Variants in EIF4B observed in about 807,000 individuals in gnomAD.
EIF4B encodes eukaryotic translation initiation factor 4B.
A neutral mutation model predicts 79.3 loss-of-function variants in EIF4B; 8 were observed. The observed-to-expected ratio is 0.10, with a 90% CI of 0.06 to 0.18. EIF4B has a LOEUF of 0.18. Among genes scored for constraint, EIF4B ranks in the 10% least tolerant of loss-of-function variants. The pLI is 1.00. For synonymous variants in EIF4B, 238 were observed against 274.7 expected (o/e 0.87, Z 1.32); for missense variants, 515 against 792.4 (o/e 0.65, Z 4.20).
intron 9 of EIF4B, 110 bp from the exon 10 acceptor site, chr12:53,034,502 C>A: frequency 1.1e-6 from 1 of 938,408 alleles, no homozygotes; most frequent in Non-Finnish European, 1.7e-6. Context: ...AATTTATATG[C>A]ATATACACAT....
At chr12:53,029,890 C>A (rs1208260067) in intron 8 of EIF4B, among the ~76,000 whole-genome samples, 1 of 149,824 alleles carries the variant, frequency 6.7e-6, no homozygotes, top group African/African-American at 2.4e-5. Flanking sequence ...TTACTCCTTC[C>A]TCAAAATAAT....
At chr12:53,027,229 G>A (rs934309465) in intron 6 of EIF4B, among the ~76,000 whole-genome samples, 61 of 147,094 alleles carry the variant, frequency 4.1e-4, no homozygotes, top group African/African-American at 1.5e-3. Flanking sequence ...CGCCTCCCGG[G>A]TTCACACCAT....
intron 1 of EIF4B, among the ~76,000 whole-genome samples, chr12:53,009,156 G>A (rs1475913181): frequency 2.6e-5 from 4 of 152,204 alleles, no homozygotes. Flanking sequence ...TATCTGGAAA[G>A]TGGTCATTAT....
At chr12:53,035,037 C>T (rs951468120) in intron 10 of EIF4B, among the ~76,000 whole-genome samples, 3 of 144,330 alleles carry the variant, frequency 2.1e-5, no homozygotes, top group African/African-American at 5.1e-5. Flanking sequence ...GAACAGTCAA[C>T]GGCTTGGAGT....
At chr12:53,022,395 G>C (rs1943260343) in intron 5 of EIF4B, 98 bp from the exon 6 acceptor site, 1 of 1,549,520 alleles carries the variant, frequency 6.5e-7, no homozygotes, top group African/African-American at 1.4e-5. Flanking sequence ...TGACGTGAAA[G>C]TGAAAAATAG....
chr12:53,010,895 G>C (rs1397375659), intron 1 of EIF4B, among the ~76,000 whole-genome samples: 2 of 152,142 alleles, frequency 1.3e-5, no homozygotes, highest in African/African-American at 4.8e-5. Context: ...TAATTATGGA[G>C]AATGTGGCAG....
At chr12:53,027,952 G>T in intron 7 of EIF4B, 33 bp downstream of exon 7, 2 of 1,557,778 alleles carry the variant, frequency 1.3e-6, no homozygotes, top group Non-Finnish European at 1.7e-6. Flanking sequence ...TGCTCTTTCA[G>T]TAACTTTGCC....
At chr12:53,020,900 TCA>T (rs1323775159) in intron 4 of EIF4B, among the ~76,000 whole-genome samples, 2 of 152,182 alleles carry the variant, frequency 1.3e-5, no homozygotes, top group African/African-American at 2.4e-5. Context: ...CTAACTTTAC[TCA>T]GTCTGGATAA....
In EIF4B at chr12:53,039,727, T is replaced by C. The variant is rs73098028; in HGVS notation, c.1755+25T>C. The C allele has an allele frequency of 1.1e-3, 1,724 of 1,600,368 alleles. 15 individuals carry two copies. In the African/African-American group the frequency reaches 0.021, roughly 19 times the overall value. On this transcript the variant is annotated intron_variant, in intron 14 of 14. Coordinates refer to ENST00000262056, the MANE Select transcript of EIF4B (RefSeq NM_001417.7). Reference sequence around the variant, plus strand: ...CGTAAGTGTTGAAGGCTGCTCCCAATTTTTCATTCTAAGAAAAATTCTTAG... The same window carrying C: ...CGTAAGTGTTGAAGGCTGCTCCCAACTTTTCATTCTAAGAAAAATTCTTAG...
At chr12:53,025,385 A>G (rs1943316893) in intron 6 of EIF4B, 2 of 374,844 alleles carry the variant, frequency 5.3e-6, no homozygotes, top group Middle Eastern at 3.7e-4. Context: ...CCCAAAGTCA[A>G]CTTAGTTAAC....
chr12:53,021,773 A>G (rs1018627034), intron 4 of EIF4B, 33 bp from the exon 5 acceptor site: 22 of 1,613,858 alleles, frequency 1.4e-5, no homozygotes, highest in Non-Finnish European at 1.7e-5. Context: ...ATAATGGGGC[A>G]AAAGGTTGGT....
At chr12:53,039,064 G>A in intron 12 of EIF4B, 174 bp from the exon 13 acceptor site, 1 of 504,598 alleles carries the variant, frequency 2.0e-6, no homozygotes, top group Non-Finnish European at 3.5e-6. Flanking sequence ...TTGTATTTTT[G>A]TGTGCTGTAG....
intron 1 of EIF4B, among the ~76,000 whole-genome samples, chr12:53,008,025 T>C (rs1942997408): frequency 6.6e-6 from 1 of 152,244 alleles, no homozygotes; most frequent in African/African-American, 2.4e-5. Flanking sequence ...CCCGAAAGCA[T>C]CTGAAGTTTA....
At chr12:53,014,412 CA>C (rs367885369) in intron 1 of EIF4B, among the ~76,000 whole-genome samples, 1,320 of 64,196 alleles carry the variant, frequency 0.021, 4 homozygotes, top group African/African-American at 0.038. Context: ...GACTCCGTCT[CA>C]AAAAAAAAAA....
In EIF4B at chr12:53,034,697, A is replaced by G; in HGVS notation, c.1294A>G (p.Thr432Ala). 1.2e-6 allele frequency: 2 copies of G among 1,614,058 alleles called. No homozygotes were observed. Among genetic ancestry groups the G allele is most frequent in the Non-Finnish European group, 1.7e-6 (2 of 1,179,908 alleles). Residue 432 changes from threonine (T) to alanine (A), a missense_variant, in exon 10 of 15, where the codon ACA (threonine) becomes GCA (alanine). This residue lies in a region of EIF4B where 146 missense variants were observed against 228.0 expected (regional missense o/e 0.64). Coordinates refer to ENST00000262056, the MANE Select transcript of EIF4B (RefSeq NM_001417.7). ...GTCATCACAAACTGGGACCTCCACC[A>G]CATCTAGCAGAAGTAAGTCAGACCA... is the stretch of plus-strand genomic sequence containing the variant. ...SESSQTGTST[T>A]SSRNARRRES...
chr12:53,033,202 A>G (rs1943477998), intron 8 of EIF4B, among the ~76,000 whole-genome samples: 1 of 149,260 alleles, frequency 6.7e-6, no homozygotes, highest in Non-Finnish European at 1.5e-5. Flanking sequence ...TATTTTTACT[A>G]GAGACGGGGT....
intron 12 of EIF4B, 107 bp from the exon 13 acceptor site, chr12:53,039,131 C>T: frequency 1.3e-6 from 1 of 742,610 alleles, no homozygotes; most frequent in Admixed American, 2.8e-5. Flanking sequence ...AGGTTAGTTT[C>T]CCTCAGTACA....
At chr12:53,033,500 G>A (rs1157526320) in intron 8 of EIF4B, among the ~76,000 whole-genome samples, 2 of 151,246 alleles carry the variant, frequency 1.3e-5, no homozygotes, top group Admixed American at 6.6e-5. Flanking sequence ...GCGCCCCAAC[G>A]CCCAGCTAAT....
At chr12:53,010,473 G>T (rs1453303619) in intron 1 of EIF4B, among the ~76,000 whole-genome samples, 2 of 152,150 alleles carry the variant, frequency 1.3e-5, no homozygotes, top group Non-Finnish European at 2.9e-5. Flanking sequence ...GTGCAGTAAA[G>T]GTGAAGGTGA....
Sources: gnomAD v4.1 joint callset for allele counts (sites outside exome capture counted in the v4.1 genomes callset) on GRCh38, gnomAD v4.1.1 for gene constraint, gnomAD v4.1.1 regional missense constraint, MANE v1.5 for transcripts, NCBI Gene and HGNC (gene_info 2026-07-23, HGNC 2026-07-21) for gene names.